CEP350: variants seen among roughly 807,000 people sequenced by gnomAD.
CEP350 encodes the protein centrosome-associated protein 350.
CEP350 carries 126 observed loss-of-function variants against 331.8 expected under a neutral mutation model. The observed-to-expected ratio is 0.38, with a 90% CI of 0.33 to 0.44. The LOEUF (loss-of-function observed/expected upper bound fraction) is 0.44. Ranked by LOEUF, CEP350 falls within the 20% of genes least tolerant of loss-of-function variation. The probability of loss-of-function intolerance (pLI) is 1.00; values close to 1 mark genes in which losing one functional copy is unlikely to be tolerated. For missense variants in CEP350, 3,406 were observed against 3,634.6 expected (o/e 0.94, Z 1.62); for synonymous variants, 1,200 against 1,259.5 (o/e 0.95, Z 1.00).
chr1:180,093,032 TGTTCAG>T lies in CEP350; in HGVS notation c.6928_6933del (p.Val2310_Gln2311del). On this transcript the variant is annotated inframe_deletion, in exon 34 of 38. Transcript: ENST00000367607. Reference sequence around the variant, plus strand: ...AAGATCTTCCTTTAGATTCTGAAAATGTTCAGAAAGACCTAGTTGGATTAGCTATTG... The same window carrying T: ...AAGATCTTCCTTTAGATTCTGAAAATAAAGACCTAGTTGGATTAGCTATTG... 4 of 1,605,906 alleles carry T rather than the reference TGTTCAG, an allele frequency of 2.5e-6. No individual in the cohort carries two copies. The highest frequency in any genetic ancestry group is 3.4e-5 in the Admixed American group (2 of 58,898).
chr1:180,082,693 C>A (rs1014020960), intron 30 of CEP350, among the ~76,000 whole-genome samples: 1 of 152,118 alleles, frequency 6.6e-6, no homozygotes, highest in African/African-American at 2.4e-5. Context: ...TTTTTCATCA[C>A]CTGCTATTAA....
chr1:180,022,166 A>G (rs1655369410), intron 12 of CEP350, among the ~76,000 whole-genome samples: 1 of 152,210 alleles, frequency 6.6e-6, no homozygotes, highest in African/African-American at 2.4e-5. Flanking sequence ...TTGTTTAGCC[A>G]CATTTCTATT....
chr1:180,047,095 G>A (rs950446337), intron 21 of CEP350, among the ~76,000 whole-genome samples: 1 of 152,176 alleles, frequency 6.6e-6, no homozygotes, highest in Admixed American at 6.5e-5. Context: ...GAGAGTTGGG[G>A]TGGGATCCAT....
At chr1:180,104,207 T>A (rs1654603588) in intron 37 of CEP350, among the ~76,000 whole-genome samples, 1 of 151,242 alleles carries the variant, frequency 6.6e-6, no homozygotes. Flanking sequence ...AGTTTTCTTG[T>A]AGAGTTGTTT....
chr1:180,008,048 A>G (rs1227553900), intron 8 of CEP350, among the ~76,000 whole-genome samples: 1 of 152,120 alleles, frequency 6.6e-6, no homozygotes, highest in Non-Finnish European at 1.5e-5. Context: ...ATATAAGTTA[A>G]CCAGATTAAA....
At chr1:180,027,859 A>G (rs1023694842) in intron 14 of CEP350, among the ~76,000 whole-genome samples, 5 of 152,192 alleles carry the variant, frequency 3.3e-5, no homozygotes, top group African/African-American at 1.2e-4. Context: ...AGATAAGATA[A>G]TGGGGCAAAT....
rs1558092898 is a variant in CEP350, at chr1:180,004,880, TTGCTTGCTTGCTTG to T, written c.1133-1573_1133-1560del. ...TGGGCAGGCAGGCTGGCTGGCTTGC[TTGCTTGCTTGCTTG>T]CTTGCTTGCTTGCTTTCTTTCTTTC... On this transcript the variant is annotated intron_variant, in intron 7 of 37. Transcript: ENST00000367607. Among the ~76,000 whole-genome samples, 204 of 72,656 alleles carry T rather than the reference TTGCTTGCTTGCTTG, an allele frequency of 2.8e-3. 1 individual carries two copies. Among genetic ancestry groups the T allele is most frequent in the Middle Eastern group, 0.015 (2 of 132 alleles). The allele number at this position is 72,656 out of a possible 152,430, so 47.7% of individuals were successfully genotyped here. A position where few individuals can be genotyped will look rare whatever the true frequency, so the allele number is the denominator to read the frequency against.
At chr1:180,036,017 A>G (rs1381767074) in intron 16 of CEP350, among the ~76,000 whole-genome samples, 1 of 152,236 alleles carries the variant, frequency 6.6e-6, no homozygotes. Context: ...AGATCAAACT[A>G]TGAGCATTAA....
intron 1 of CEP350, among the ~76,000 whole-genome samples, chr1:179,981,365 C>T (rs1471057842): frequency 6.6e-6 from 1 of 152,106 alleles, no homozygotes; most frequent in Non-Finnish European, 1.5e-5. Flanking sequence ...CATTATTCCG[C>T]AAGAAGTGAT....
intron 29 of CEP350, among the ~76,000 whole-genome samples, chr1:180,078,965 AT>A (rs1023232878): frequency 6.6e-6 from 1 of 152,164 alleles, no homozygotes; most frequent in Non-Finnish European, 1.5e-5. Context: ...TCTTTCTGAA[AT>A]TTGTTTTTTC....
chr1:180,029,330 T>C (rs953507949), intron 14 of CEP350, among the ~76,000 whole-genome samples: 11 of 152,232 alleles, frequency 7.2e-5, no homozygotes, highest in African/African-American at 2.7e-4. Flanking sequence ...GTTGTGTATT[T>C]ATTGTCAACA....
chr1:180,031,384 C>T lies in CEP350; in HGVS notation c.3615C>T (p.Gly1205=), dbSNP rs368553905. ...SLLDEEKAER[G]SHQGKKSGTS... is the part of the protein sequence containing the mutation. Reference sequence around the variant, plus strand: ...TTGATGAGGAAAAAGCAGAACGTGGCTCCCATCAAGGAAAGAAATCTGGGA... The same window carrying T: ...TTGATGAGGAAAAAGCAGAACGTGGTTCCCATCAAGGAAAGAAATCTGGGA... The change falls in exon 15 of 38, where the codon GGC becomes GGT. Residue 1205 remains glycine, a synonymous_variant. Transcript: ENST00000367607. 5 of 1,607,466 alleles carry T rather than the reference C, an allele frequency of 3.1e-6. No homozygotes were observed. In the African/African-American group the frequency reaches 4.0e-5, roughly 13 times the overall value.
At chr1:179,985,913 A>G (rs942970041) in intron 1 of CEP350, among the ~76,000 whole-genome samples, 2 of 152,120 alleles carry the variant, frequency 1.3e-5, no homozygotes, top group Admixed American at 1.3e-4. Flanking sequence ...CAGTAATTCT[A>G]ATTTTACTTT....
At chr1:179,989,600 T>C (rs1181130575) in intron 3 of CEP350, among the ~76,000 whole-genome samples, 2 of 152,218 alleles carry the variant, frequency 1.3e-5, no homozygotes, top group South Asian at 2.1e-4. Context: ...TCCTAGTTTT[T>C]TGTTGTAAGC....
chr1:180,053,600 C>A, intron 23 of CEP350, 150 bp from the exon 24 acceptor site: 1 of 477,054 alleles, frequency 2.1e-6, no homozygotes, highest in East Asian at 3.0e-5. Context: ...TGTTAATCTG[C>A]CTCATGTGCC....
intron 37 of CEP350, 61 bp from the exon 38 acceptor site, chr1:180,110,936 T>G: frequency 7.0e-7 from 1 of 1,430,116 alleles, no homozygotes; most frequent in Non-Finnish European, 9.8e-7. Flanking sequence ...AAGTCAGCAA[T>G]TATATTTTCT....
chr1:180,045,253 A>G (rs1476098383), intron 21 of CEP350, among the ~76,000 whole-genome samples: 1 of 152,124 alleles, frequency 6.6e-6, no homozygotes, highest in Admixed American at 6.5e-5. Flanking sequence ...GAGGCATGAG[A>G]ATCTCTTGAA....
In CEP350 at chr1:180,020,615, A is replaced by G; in HGVS notation, c.2841A>G (p.Leu947=). 1 of 1,613,994 alleles carries G rather than the reference A, an allele frequency of 6.2e-7. No homozygotes were observed. The highest frequency in any genetic ancestry group is 1.3e-5 in the African/African-American group (1 of 75,040). Reference sequence around the variant, plus strand: ...CCCCTGGTCCCAAACCAGAAGGGCTACTGGCACAGTTATGTAAAAGGCAGA... The same window carrying G: ...CCCCTGGTCCCAAACCAGAAGGGCTGCTGGCACAGTTATGTAAAAGGCAGA... ...VRSPGPKPEG[L]LAQLCKRQTD... Residue 947 remains leucine, a synonymous_variant, in exon 12 of 38, where the codon CTA becomes CTG. Transcript: ENST00000367607.
chr1:179,998,485 T>C (rs542986855), intron 6 of CEP350, among the ~76,000 whole-genome samples: 2 of 151,822 alleles, frequency 1.3e-5, no homozygotes, highest in East Asian at 1.9e-4. Context: ...TTTGTATTTT[T>C]AGTAGAGACA....
Sources: gnomAD v4.1 joint callset for allele counts (sites outside exome capture counted in the v4.1 genomes callset) on GRCh38, gnomAD v4.1.1 for gene constraint, MANE v1.5 for transcripts, NCBI Gene and HGNC (gene_info 2026-07-23, HGNC 2026-07-21) for gene names.